Variants in PKIG observed in about 807,000 individuals in gnomAD.
PKIG encodes cAMP-dependent protein kinase inhibitor gamma.
In PKIG, 1 loss-of-function variant was observed where a neutral mutation model predicts 6.8. The observed-to-expected ratio is 0.15, with a 90% CI of 0.05 to 0.69. The LOEUF (loss-of-function observed/expected upper bound fraction) is 0.69, where lower values mean the gene tolerates loss of function less well. PKIG is among the 30% of genes least tolerant of loss of function. PKIG has a pLI of 0.82. For missense variants in PKIG, 77 were observed against 104.0 expected, an observed-to-expected ratio of 0.74 and a Z score of 1.13; for synonymous variants, 39 against 43.0, an observed-to-expected ratio of 0.91 and a Z score of 0.36.
intron 3 of PKIG, among the ~76,000 whole-genome samples, chr20:44,616,699 C>T (rs949652735): frequency 2.6e-5 from 4 of 152,310 alleles, no homozygotes; most frequent in South Asian, 4.1e-4. Flanking sequence ...CTCACGGTGG[C>T]GTCCAGGCAA....
chr20:44,607,797 GC>G (rs2065179815), intron 2 of PKIG, among the ~76,000 whole-genome samples: 1 of 150,628 alleles, frequency 6.6e-6, no homozygotes, highest in Non-Finnish European at 1.5e-5. Flanking sequence ...CCATTCTCCT[GC>G]CTCAGCCTCC....
At chr20:44,596,010 G>A (rs2065072384) in intron 2 of PKIG, among the ~76,000 whole-genome samples, 1 of 151,926 alleles carries the variant, frequency 6.6e-6, no homozygotes, top group African/African-American at 2.4e-5. Context: ...TCTTATCATT[G>A]TTATTATTTA....
intron 2 of PKIG, among the ~76,000 whole-genome samples, chr20:44,604,255 C>T (rs542157143): frequency 6.6e-6 from 1 of 152,278 alleles, no homozygotes; most frequent in South Asian, 2.1e-4. Flanking sequence ...GCATGAGTTA[C>T]GGGTAATAGG....
In PKIG at chr20:44,557,684, C is replaced by T. The variant is rs993579230; in HGVS notation, c.-240-24901C>T. Among the ~76,000 whole-genome samples, 10 of 149,578 alleles carry T rather than the reference C, an allele frequency of 6.7e-5. 1 individual carries two copies. Among genetic ancestry groups the T allele is most frequent in the Non-Finnish European group, 1.0e-4 (7 of 67,490 alleles). ...AAAAAAAAAAAAAAAATTAGCCAGC[C>T]GTGGTGGCGGGCACCTGTAGTCCCA... On this transcript the variant is annotated intron_variant, in intron 1 of 4. Transcript: ENST00000372887.
intron 1 of PKIG, among the ~76,000 whole-genome samples, chr20:44,557,190 A>G (rs2064720227): frequency 6.6e-6 from 1 of 152,118 alleles, no homozygotes; most frequent in African/African-American, 2.4e-5. Flanking sequence ...TGAACAGTAA[A>G]TGTTTTAAAA....
In PKIG at chr20:44,614,713, A is replaced by G. The variant is rs760901927; in HGVS notation, c.151+6A>G. ...GCTGGCACTCGAGGGGGCAGGTTAG[A>G]GCCAGCAGGTCCTTGGCACTACTGC... On this transcript the variant is annotated splice_donor_region_variant and intron_variant, in intron 3 of 3. Transcript: ENST00000372886. The surrounding 1 kb of genome is among the most constrained non-coding windows in gnomAD (Gnocchi z 4.6). The G allele has an allele frequency of 3.1e-6, 5 of 1,613,452 alleles. No individual in the cohort carries two copies. In the Admixed American group the frequency reaches 6.7e-5, roughly 22 times the overall value.
chr20:44,531,992 G>C (rs2064470002), intron 1 of PKIG: 1 of 152,244 alleles, frequency 6.6e-6, no homozygotes, highest in Non-Finnish European at 1.5e-5. Context: ...AGCAGGAGCC[G>C]GGCGGCCGGT....
chr20:44,564,452 G>A (rs922892093), intron 1 of PKIG: 3 of 151,386 alleles, frequency 2.0e-5, no homozygotes, highest in Non-Finnish European at 2.9e-5. Context: ...TTTTGATCTC[G>A]TTTTTGTACT....
chr20:44,612,102 A>G (rs2065225193), intron 2 of PKIG, among the ~76,000 whole-genome samples: 1 of 152,188 alleles, frequency 6.6e-6, no homozygotes, highest in South Asian at 2.1e-4. Flanking sequence ...TCTTCTTGAC[A>G]TACCAATGTC....
chr20:44,544,379 A>C (rs539218658), intron 1 of PKIG, among the ~76,000 whole-genome samples: 1 of 152,170 alleles, frequency 6.6e-6, no homozygotes, highest in Non-Finnish European at 1.5e-5. Flanking sequence ...TTGGCTGCTG[A>C]TAACAGTGCT....
chr20:44,553,878 G>GTAAC (rs927373729), intron 1 of PKIG, among the ~76,000 whole-genome samples: 46 of 152,180 alleles, frequency 3.0e-4, no homozygotes, highest in African/African-American at 1.1e-3. Context: ...GGGTTAGTTA[G>GTAAC]GGGAATGTGG....
At chr20:44,551,108 G>T (rs776502181) in intron 1 of PKIG, among the ~76,000 whole-genome samples, 3 of 151,958 alleles carry the variant, frequency 2.0e-5, no homozygotes, top group Non-Finnish European at 4.4e-5. Flanking sequence ...TGTCGCCCAG[G>T]CTGGAGTGCA....
intron 2 of PKIG, among the ~76,000 whole-genome samples, chr20:44,605,578 A>T (rs1272492660): frequency 1.3e-5 from 2 of 152,060 alleles, no homozygotes; most frequent in Non-Finnish European, 2.9e-5. Context: ...ATTACAGATA[A>T]ATTCTAGATC....
chr20:44,583,981 A>G (rs183948852), intron 1 of PKIG, among the ~76,000 whole-genome samples: 8 of 152,274 alleles, frequency 5.3e-5, no homozygotes, highest in Admixed American at 2.0e-4. Flanking sequence ...AAAAAGTCTC[A>G]GTGGTAACTG....
rs560942974 is a variant in PKIG at position 44,582,668 on chromosome 20, G to A, written c.-157G>A. 6.6e-6 allele frequency: 1 copy of A among 152,496 alleles called. No individual in the cohort carries two copies. Among genetic ancestry groups the A allele is most frequent in the African/African-American group, 2.4e-5 (1 of 41,574 alleles). 9.4% of individuals were successfully genotyped at this position (152,496 alleles called of 1,614,324 possible). A position where few individuals can be genotyped will look rare whatever the true frequency, so the allele number is the denominator to read the frequency against. On this transcript the variant is annotated 5_prime_UTR_variant, in exon 1 of 4. Transcript: ENST00000372886. Reference sequence around the variant, plus strand: ...TCTGGACTGCTAACCTTGAATCCTGGTTTCTTAAATTCTGCCTCCGCTTCT... The same window carrying A: ...TCTGGACTGCTAACCTTGAATCCTGATTTCTTAAATTCTGCCTCCGCTTCT...
At chr20:44,565,656 A>T (rs2064804241) in intron 1 of PKIG, among the ~76,000 whole-genome samples, 1 of 152,234 alleles carries the variant, frequency 6.6e-6, no homozygotes, top group Non-Finnish European at 1.5e-5. Context: ...TAGCCCATTC[A>T]TAATCTTTAT....
chr20:44,578,436 T>A (rs2064919042), upstream of PKIG, among the ~76,000 whole-genome samples: 1 of 152,018 alleles, frequency 6.6e-6, no homozygotes, highest in Admixed American at 6.5e-5. Context: ...GGCCAGGCTG[T>A]CTTGAACTCC....
At position 44,558,650 on chromosome 20, in the gene PKIG, CTCCT is replaced by C. The variant is rs1051802811; in HGVS notation, c.-240-23922_-240-23919del. Among the ~76,000 whole-genome samples the C allele has an allele frequency of 3.9e-3, 443 of 113,196 alleles. 1 individual carries two copies. The highest frequency in any genetic ancestry group is 0.014 in the African/African-American group (407 of 28,084). The allele number at this position is 113,196 out of a possible 152,430, so 74.3% of individuals were successfully genotyped here. A position where few individuals can be genotyped will look rare whatever the true frequency, so the allele number is the denominator to read the frequency against. ...TTTTTCATTCTTTCTTTTTTTCTTT[CTCCT>C]TCCTTCCTTCCTCTCTCTCTTTCTT... On this transcript the variant is annotated intron_variant, in intron 1 of 4. Coordinates refer to the PKIG transcript ENST00000372887.
intron 2 of PKIG, among the ~76,000 whole-genome samples, chr20:44,607,377 A>ATATTTT (rs1414609234): frequency 1.1e-5 from 1 of 94,256 alleles, no homozygotes; most frequent in African/African-American, 4.7e-5. Flanking sequence ...ATATATATAT[A>ATATTTT]TTTTTTTTTT....
Sources: gnomAD v4.1 joint callset for allele counts (sites outside exome capture counted in the v4.1 genomes callset) on GRCh38, gnomAD v4.1.1 for gene constraint, Gnocchi (gnomAD v3.1) non-coding constraint, MANE v1.5 for transcripts, NCBI Gene and HGNC (gene_info 2026-07-23, HGNC 2026-07-21) for gene names.